SPIDR: variants seen among roughly 807,000 people sequenced by gnomAD.
SPIDR encodes DNA repair-scaffolding protein.
Under a neutral mutation model 104.6 loss-of-function variants are expected in SPIDR, and 93 were observed. That is an observed-to-expected ratio of 0.89 (90% CI 0.75 to 1.06). SPIDR has a LOEUF of 1.06. Among genes scored for constraint, SPIDR ranks in the 50% least tolerant of loss-of-function variants. SPIDR has a pLI of 0.00. For synonymous variants in SPIDR, 431 were observed against 416.9 expected, an observed-to-expected ratio of 1.03 and a Z score of -0.41; for missense variants, 1,154 against 1,111.2, an observed-to-expected ratio of 1.04 and a Z score of -0.55.
chr8:47,529,276 G>A (rs906206183), intron 8 of SPIDR, among the ~76,000 whole-genome samples: 1 of 151,928 alleles, frequency 6.6e-6, no homozygotes, highest in Non-Finnish European at 1.5e-5. Flanking sequence ...AAATTAACCG[G>A]GCATGGTGAC....
In SPIDR at chr8:47,713,874, C is replaced by T. The variant is rs564317049; in HGVS notation, c.2341+233C>T. Among the ~76,000 whole-genome samples the T allele has an allele frequency of 9.2e-5, 14 of 152,266 alleles. No homozygotes were observed. In the South Asian group the frequency reaches 2.7e-3, roughly 29 times the overall value. ...ATCCTCAGGCTCTGAGTGCTCTAGC[C>T]GCTGATAACCTGGGCCCACGTCTTA... On this transcript the variant is annotated intron_variant, in intron 16 of 19. Coordinates refer to ENST00000297423, the MANE Select transcript of SPIDR (RefSeq NM_001080394.4).
intron 19 of SPIDR, 75 bp downstream of exon 19, chr8:47,729,540 C>A: frequency 6.6e-7 from 1 of 1,507,230 alleles, no homozygotes. Flanking sequence ...CAGAGGAAGC[C>A]CCCACTCCCA....
intron 8 of SPIDR, among the ~76,000 whole-genome samples, chr8:47,538,874 T>TTTTTTG (rs2087503962): frequency 6.9e-6 from 1 of 144,930 alleles, no homozygotes; most frequent in Admixed American, 6.8e-5. Context: ...TTTTTTTTTT[T>TTTTTTG]TTTTGAGACA....
At chr8:47,698,433 A>T (rs2079658442) in intron 11 of SPIDR, among the ~76,000 whole-genome samples, 1 of 152,246 alleles carries the variant, frequency 6.6e-6, no homozygotes, top group South Asian at 2.1e-4. Context: ...TCTGCTTCAC[A>T]AGGCAACAGT....
intron 8 of SPIDR, among the ~76,000 whole-genome samples, chr8:47,456,266 A>G (rs1188377517): frequency 6.6e-6 from 1 of 152,142 alleles, no homozygotes; most frequent in Non-Finnish European, 1.5e-5. Context: ...AGATGTATGC[A>G]CCTAGAGAAA....
Position 47,478,873 on chromosome 8 carries a change from T to G in SPIDR, c.1097+38331T>G, listed in dbSNP as rs2076568048. Among the ~76,000 whole-genome samples, 4 of 152,180 alleles carry G rather than the reference T, an allele frequency of 2.6e-5. No individual in the cohort carries two copies. The South Asian group carries it at 8.3e-4, about 32-fold the overall frequency. On this transcript the variant is annotated intron_variant, in intron 8 of 19. Transcript: ENST00000297423. ...AAATATTCACCACAGAAGATAACTT[T>G]GATTTCTGAGGAATTAATTGGAAGC...
intron 8 of SPIDR, among the ~76,000 whole-genome samples, chr8:47,478,253 G>A (rs781993220): frequency 2.3e-4 from 35 of 152,220 alleles, no homozygotes; most frequent in Non-Finnish European, 5.0e-4. Context: ...GCAAAAAGCA[G>A]TGAGAGGAGG....
intron 5 of SPIDR, among the ~76,000 whole-genome samples, chr8:47,340,827 G>C (rs2050621231): frequency 6.6e-6 from 1 of 152,172 alleles, no homozygotes; most frequent in Non-Finnish European, 1.5e-5. Flanking sequence ...GGCTCTTCCT[G>C]GTTAGCAAAC....
At chr8:47,732,514 G>A (rs1398107123) in intron 19 of SPIDR, 4 of 336,500 alleles carry the variant, frequency 1.2e-5, no homozygotes, top group East Asian at 6.4e-5. Flanking sequence ...GTGGACTGTG[G>A]GGTAAGTTCC....
intron 14 of SPIDR, among the ~76,000 whole-genome samples, chr8:47,712,104 A>G (rs2081973375): frequency 6.6e-6 from 1 of 152,236 alleles, no homozygotes; most frequent in African/African-American, 2.4e-5. Flanking sequence ...TACCAGTCTA[A>G]TGGAACTTGA....
At chr8:47,556,548 T>A (rs1029873519) in intron 8 of SPIDR, among the ~76,000 whole-genome samples, 2 of 152,232 alleles carry the variant, frequency 1.3e-5, no homozygotes, top group African/African-American at 4.8e-5. Flanking sequence ...GTAGAAGTTG[T>A]CACAGGTCAT....
At position 47,484,886 on chromosome 8, in the gene SPIDR, T is replaced by C. The variant is rs561259789; in HGVS notation, c.1097+44344T>C. ...GGACGGCAGTTCCAAGACAGCTGAA[T>C]AGGAACAGCTCCAGTCTACAGCTCC... On this transcript the variant is annotated intron_variant, in intron 8 of 19. Transcript: ENST00000297423. Among the ~76,000 whole-genome samples the C allele has an allele frequency of 9.6e-4, 146 of 152,270 alleles. 2 individuals are homozygous for C. The highest frequency in any genetic ancestry group is 3.3e-3 in the African/African-American group (138 of 41,582).
chr8:47,692,788 A>G (rs1291064228), intron 11 of SPIDR, among the ~76,000 whole-genome samples: 4 of 152,332 alleles, frequency 2.6e-5, no homozygotes, highest in African/African-American at 9.6e-5. Flanking sequence ...ATTTCATGAC[A>G]TAGATACATC....
At chr8:47,611,637 G>T (rs749665414) in intron 10 of SPIDR, among the ~76,000 whole-genome samples, 17 of 151,998 alleles carry the variant, frequency 1.1e-4, no homozygotes, top group Non-Finnish European at 1.8e-4. Flanking sequence ...GGCGGAGCTT[G>T]CAGTGAGCCC....
At chr8:47,338,881 G>A (rs1472440413) in intron 5 of SPIDR, among the ~76,000 whole-genome samples, 1 of 152,154 alleles carries the variant, frequency 6.6e-6, no homozygotes, top group Non-Finnish European at 1.5e-5. Context: ...TTGTGGGGGG[G>A]TCAGCCTTGA....
At position 47,280,050 on chromosome 8, in the gene SPIDR, G is replaced by T; in HGVS notation, c.189+33G>T. ...ATCTGTAGAATTGTTTTCCCTGAAT[G>T]CCAAAGAGGAAATCCTGAGTGTTCA... On this transcript the variant is annotated intron_variant, in intron 2 of 19. Transcript: ENST00000297423. The T allele has an allele frequency of 2.5e-6, 4 of 1,600,972 alleles. No individual in the cohort carries two copies. In the South Asian group the frequency reaches 4.4e-5, roughly 18 times the overall value.
intron 5 of SPIDR, among the ~76,000 whole-genome samples, chr8:47,342,552 G>A (rs1198145407): frequency 6.6e-6 from 1 of 151,860 alleles, no homozygotes; most frequent in Non-Finnish European, 1.5e-5. Context: ...GGCCAGGTTG[G>A]TTTCGAACTC....
At chr8:47,458,680 TAGAAATGGTG>T (rs1554711380) in intron 8 of SPIDR, among the ~76,000 whole-genome samples, 1 of 152,080 alleles carries the variant, frequency 6.6e-6, no homozygotes, top group African/African-American at 2.4e-5. Context: ...CTATGTTGAA[TAGAAATGGTG>T]AAAGTGGACA....
intron 6 of SPIDR, among the ~76,000 whole-genome samples, chr8:47,398,622 A>G (rs1389254372): frequency 6.6e-6 from 1 of 152,124 alleles, no homozygotes; most frequent in Non-Finnish European, 1.5e-5. Flanking sequence ...GGCCATTTTC[A>G]GTTAGACATT....
Sources: gnomAD v4.1 joint callset for allele counts (sites outside exome capture counted in the v4.1 genomes callset) on GRCh38, gnomAD v4.1.1 for gene constraint, MANE v1.5 for transcripts, NCBI Gene and HGNC (gene_info 2026-07-23, HGNC 2026-07-21) for gene names.